Variants in NOTCH2 observed in about 807,000 individuals in gnomAD.
NOTCH2 encodes the protein neurogenic locus notch homolog protein 2.
A neutral mutation model predicts 235.8 loss-of-function variants in NOTCH2; 29 were observed. The ratio of observed to expected loss-of-function variants is 0.12; its 90% CI spans 0.09 to 0.17. The LOEUF (loss-of-function observed/expected upper bound fraction) is 0.17, where lower values mean the gene tolerates loss of function less well. Ranked by LOEUF, NOTCH2 falls within the 10% of genes least tolerant of loss-of-function variation. The pLI, the probability that NOTCH2 is intolerant of heterozygous loss-of-function variation, is 1.00. For synonymous variants in NOTCH2, 1,086 were observed against 1,141.5 expected (o/e 0.95, Z 0.98); for missense variants, 2,285 against 3,150.2 (o/e 0.73, Z 6.57).
chr1:119,963,902 C>T (rs879979461), intron 10 of NOTCH2, 95 bp from the exon 11 acceptor site: 14 of 1,045,302 alleles, frequency 1.3e-5, no homozygotes, highest in South Asian at 9.0e-5. Flanking sequence ...TCTACACATT[C>T]GATGTGTGGT....
Position 119,948,479 on chromosome 1 carries a change from A to G in NOTCH2, c.2687T>C (p.Met896Thr). ...ACTGAAGCCTGGTGGACATTCACAC[A>G]TGTAGCTGCCCTGGGTGTTATGGCA... ...GLCHNTQGSY[M>T]CECPPGFSGM... The change falls in exon 17 of 34, where the codon ATG becomes ACG. Residue 896 changes from methionine (M) to threonine (T), a missense_variant. By Grantham distance (81) the Met-to-Thr change is moderately conservative. This residue lies in a region of NOTCH2 where 1,173 missense variants were observed against 1,515.3 expected (regional missense o/e 0.77). Coordinates refer to ENST00000256646, the MANE Select transcript of NOTCH2 (RefSeq NM_024408.4). 1.2e-6 allele frequency: 2 copies of G among 1,614,152 alleles called. No homozygotes were observed. The highest frequency in any genetic ancestry group is 1.3e-5 in the African/African-American group (1 of 75,038).
At chr1:120,048,304 C>T (rs1367350771) in intron 1 of NOTCH2, among the ~76,000 whole-genome samples, 1 of 138,404 alleles carries the variant, frequency 7.2e-6, no homozygotes, top group African/African-American at 3.1e-5. Context: ...CTATTCTACC[C>T]TTTTTTCCCC....
At position 119,987,041 on chromosome 1, in the gene NOTCH2, G is replaced by A; in HGVS notation, c.793C>T (p.Pro265Ser). ...STCERNIDDC[P>S]NHRCQNGGVC... is the part of the protein sequence containing the mutation. The stretch of plus-strand genomic sequence containing the variant: ...CCTCCATTCTGACACCTGTGGTTAG[G>A]GCAGTCATCAATATTCCTCTCACAG... Residue 265 changes from proline to serine, a missense_variant, in exon 5 of 34, where the codon CCT (proline) becomes TCT (serine). Physicochemically the swap from Pro to Ser is moderately conservative, Grantham distance 74 (BLOSUM62 -1). Transcript: ENST00000256646. The A allele has an allele frequency of 6.2e-7, 1 of 1,613,648 alleles. No individual in the cohort carries two copies. The highest frequency in any genetic ancestry group is 8.5e-7 in the Non-Finnish European group (1 of 1,179,680).
intron 10 of NOTCH2, 66 bp downstream of exon 10, chr1:119,965,387 A>G (rs1553199526): frequency 8.3e-7 from 1 of 1,205,144 alleles, no homozygotes; most frequent in African/African-American, 1.5e-5. Context: ...AGCAGAGGAC[A>G]GGGACAATCA....
At chr1:119,987,533 G>C (rs1652066489) in intron 4 of NOTCH2, among the ~76,000 whole-genome samples, 1 of 152,108 alleles carries the variant, frequency 6.6e-6, no homozygotes, top group Non-Finnish European at 1.5e-5. Context: ...CTCCAAGCCA[G>C]GTGGGGAAGG....
At chr1:119,938,064 GA>G in intron 19 of NOTCH2, 54 bp from the exon 20 acceptor site, 1 of 1,579,390 alleles carries the variant, frequency 6.3e-7, no homozygotes, top group East Asian at 2.2e-5. Flanking sequence ...TAGAAATGAA[GA>G]AAAGAAGTTA....
At chr1:119,986,937 T>C in intron 5 of NOTCH2, 23 bp downstream of exon 5, 1 of 1,613,320 alleles carries the variant, frequency 6.2e-7, no homozygotes, top group African/African-American at 1.3e-5. Context: ...CCCATTCTGG[T>C]GGATTCTCCA....
chr1:120,000,428 G>A (rs1286567416), intron 3 of NOTCH2, among the ~76,000 whole-genome samples: 9 of 149,840 alleles, frequency 6.0e-5, no homozygotes, highest in African/African-American at 2.2e-4. Context: ...CAGCTACTCA[G>A]GAGGCTGAGG....
intron 4 of NOTCH2, chr1:119,995,891 C>T (rs1652426272): frequency 6.6e-6 from 1 of 152,192 alleles, no homozygotes; most frequent in African/African-American, 2.4e-5. Flanking sequence ...AACCTATGAC[C>T]TTTAATCTCT....
chr1:120,048,421 G>T (rs1164040), intron 1 of NOTCH2, among the ~76,000 whole-genome samples: 34 of 131,026 alleles, frequency 2.6e-4, no homozygotes, highest in South Asian at 1.9e-3. Flanking sequence ...AATGTGGCTT[G>T]GCAATTAGAC....
At chr1:120,011,027 A>G (rs1183529126) in intron 2 of NOTCH2, among the ~76,000 whole-genome samples, 2 of 152,276 alleles carry the variant, frequency 1.3e-5, no homozygotes, top group African/African-American at 2.4e-5. Context: ...AAGGCCACAT[A>G]TTATATAATT....
Position 119,919,301 on chromosome 1 carries a change from A to G in NOTCH2, c.5781+11T>C. The G allele has an allele frequency of 6.2e-7, 1 of 1,607,690 alleles. No individual in the cohort carries two copies. Among genetic ancestry groups the G allele is most frequent in the Non-Finnish European group, 8.5e-7 (1 of 1,178,438 alleles). ...AATTATTATTCAAGTGACTCTTCTCATGTTCTTTACCTGGAAGACACCTTG... is the reference window on the plus strand; with the variant it reads ...AATTATTATTCAAGTGACTCTTCTCGTGTTCTTTACCTGGAAGACACCTTG... On this transcript the variant is annotated intron_variant, in intron 31 of 33. Coordinates refer to ENST00000256646, the MANE Select transcript of NOTCH2 (RefSeq NM_024408.4).
Position 119,922,415 on chromosome 1 carries a change from G to A in NOTCH2, c.5034C>T (p.Leu1678=), listed in dbSNP as rs1181698562. The A allele has an allele frequency of 1.2e-6, 2 of 1,613,738 alleles. No individual in the cohort carries two copies. Among genetic ancestry groups the A allele is most frequent in the East Asian group, 2.2e-5 (1 of 44,878 alleles). ...SESLTPERTQ[L]LYLLAVAVVI... is the part of the protein sequence containing the mutation. ...CAACAGCAACAGCAAGGAGATAGAGGAGCTGAGTGCGTTCTGGAGTCAGGG... is the reference window on the plus strand; with the variant it reads ...CAACAGCAACAGCAAGGAGATAGAGAAGCTGAGTGCGTTCTGGAGTCAGGG... The change falls in exon 28 of 34, where the codon CTC becomes CTT. Residue 1678 remains leucine, a synonymous_variant. Coordinates refer to ENST00000256646, the MANE Select transcript of NOTCH2 (RefSeq NM_024408.4).
chr1:120,017,300 T>C (rs1197224344), intron 2 of NOTCH2, among the ~76,000 whole-genome samples: 3 of 149,516 alleles, frequency 2.0e-5, no homozygotes, highest in African/African-American at 7.4e-5. Context: ...CCCCACTTTC[T>C]CATGGCTAAG....
chr1:120,065,661 T>C (rs1655478074), intron 1 of NOTCH2, among the ~76,000 whole-genome samples: 2 of 152,260 alleles, frequency 1.3e-5, no homozygotes, highest in South Asian at 4.2e-4. Flanking sequence ...AGAAGAATTC[T>C]GGTCTTCTGG....
Position 119,912,620 on chromosome 1 carries a change from G to A in NOTCH2, c.*2686C>T. 1 of 232,978 alleles carries A rather than the reference G, an allele frequency of 4.3e-6. No homozygotes were observed. Among genetic ancestry groups the A allele is most frequent in the Non-Finnish European group, 8.5e-6 (1 of 117,980 alleles). The allele number at this position is 232,978 out of a possible 1,614,324, so 14.4% of individuals were successfully genotyped here. ...CCTATCCCCAAAGGCAGGCAGAAGAGGAGTCAAAGAAAGAAAGCATTTATA... is the reference window on the plus strand; with the variant it reads ...CCTATCCCCAAAGGCAGGCAGAAGAAGAGTCAAAGAAAGAAAGCATTTATA... On this transcript the variant is annotated 3_prime_UTR_variant, in exon 34 of 34. Coordinates refer to ENST00000256646, the MANE Select transcript of NOTCH2 (RefSeq NM_024408.4).
intron 4 of NOTCH2, chr1:119,996,601 A>G (rs1652460177): frequency 9.8e-6 from 8 of 813,246 alleles, no homozygotes; most frequent in South Asian, 9.6e-5. Flanking sequence ...AAAGTTGATC[A>G]CCTACTGTTA....
At chr1:119,996,676 T>A (rs782599816) in intron 4 of NOTCH2, 1 of 1,049,002 alleles carries the variant, frequency 9.5e-7, no homozygotes, top group South Asian at 1.3e-5. Context: ...CTAATTCTCA[T>A]CGTGTTCTTT....
chr1:119,962,923 G>A (rs782131524), intron 11 of NOTCH2, among the ~76,000 whole-genome samples: 1 of 152,198 alleles, frequency 6.6e-6, no homozygotes. Flanking sequence ...GGAGCAGCAT[G>A]TCCTCACGAC....
Sources: allele counts gnomAD v4.1 joint callset (sites outside exome capture counted in the v4.1 genomes callset), GRCh38; gene constraint gnomAD v4.1.1; regional missense constraint gnomAD v4.1.1; transcripts MANE v1.5; gene names NCBI Gene and HGNC (gene_info 2026-07-23, HGNC 2026-07-21).